The following PIP4K2A variants were observed in gnomAD, a reference collection of about 807,000 sequenced individuals.
The protein encoded by PIP4K2A is phosphatidylinositol-5-phosphate 4-kinase type 2 alpha.
PIP4K2A carries 14 observed loss-of-function variants against 42.9 expected under a neutral mutation model. The ratio of observed to expected loss-of-function variants is 0.33; its 90% CI spans 0.22 to 0.51. The LOEUF is 0.51. Among genes scored for constraint, PIP4K2A ranks in the 20% least tolerant of loss-of-function variants. The pLI, the probability that PIP4K2A is intolerant of heterozygous loss-of-function variation, is 0.97. For missense variants in PIP4K2A, 434 were observed against 519.8 expected (o/e 0.83, Z 1.61); for synonymous variants, 192 against 192.2 (o/e 1.00, Z 0.01).
chr10:22,714,072 C>T, intron 1 of PIP4K2A, 111 bp downstream of exon 1: 1 of 1,171,954 alleles, frequency 8.5e-7, no homozygotes, highest in Non-Finnish European at 1.2e-6. Flanking sequence ...GCCGGAGGTC[C>T]AGGGCTGACT....
chr10:22,551,887 A>C (rs58815397), intron 6 of PIP4K2A, among the ~76,000 whole-genome samples: 2,174 of 152,270 alleles, frequency 0.014, 35 homozygotes, highest in African/African-American at 0.049. Context: ...TGCATCTTTC[A>C]CATGCTCGAA....
intron 6 of PIP4K2A, among the ~76,000 whole-genome samples, chr10:22,565,662 TG>T (rs1836828978): frequency 6.6e-6 from 1 of 152,168 alleles, no homozygotes; most frequent in Non-Finnish European, 1.5e-5. Flanking sequence ...TAACAGCAAT[TG>T]TTCAGGGAAT....
chr10:22,681,944 G>T (rs1389861575), intron 1 of PIP4K2A, among the ~76,000 whole-genome samples: 3 of 152,042 alleles, frequency 2.0e-5, no homozygotes, highest in Non-Finnish European at 4.4e-5. Context: ...TACAGACACT[G>T]AAATTTGAAT....
chr10:22,567,595 G>A (rs557280503), intron 6 of PIP4K2A: 103 of 697,196 alleles, frequency 1.5e-4, no homozygotes, highest in South Asian at 1.4e-3. Flanking sequence ...TGTTTTTCAA[G>A]AGCAAGTTGC....
chr10:22,592,747 A>C, intron 3 of PIP4K2A, among the ~76,000 whole-genome samples: 1 of 152,160 alleles, frequency 6.6e-6, no homozygotes, highest in African/African-American at 2.4e-5. Flanking sequence ...CCGTCCAGCC[A>C]TGGGGTCTAG....
At chr10:22,659,376 C>G (rs969316426) in intron 1 of PIP4K2A, among the ~76,000 whole-genome samples, 1 of 152,192 alleles carries the variant, frequency 6.6e-6, no homozygotes, top group Non-Finnish European at 1.5e-5. Flanking sequence ...GGGCGGATCA[C>G]CTGAGCAGGA....
intron 1 of PIP4K2A, among the ~76,000 whole-genome samples, chr10:22,698,050 T>C (rs939432846): frequency 3.9e-5 from 6 of 152,126 alleles, no homozygotes; most frequent in African/African-American, 1.4e-4. Flanking sequence ...ATGCAGGCAC[T>C]CTCTGCTTAG....
At chr10:22,593,604 G>A (rs1029586102) in intron 3 of PIP4K2A, among the ~76,000 whole-genome samples, 11 of 152,180 alleles carry the variant, frequency 7.2e-5, no homozygotes, top group African/African-American at 2.4e-4. Context: ...CCCCTTGTGG[G>A]GTTTTAAATG....
intron 6 of PIP4K2A, 22 bp from the exon 7 acceptor site, chr10:22,550,794 AT>A (rs1276366262): frequency 1.4e-6 from 2 of 1,407,132 alleles, no homozygotes; most frequent in African/African-American, 2.8e-5. Flanking sequence ...GAGAAAAACA[AT>A]GACAAAGGCG....
At chr10:22,665,236 G>T (rs1356639312) in intron 1 of PIP4K2A, among the ~76,000 whole-genome samples, 1 of 152,130 alleles carries the variant, frequency 6.6e-6, no homozygotes, top group Admixed American at 6.6e-5. Flanking sequence ...TGGTATGTGT[G>T]ATGACAAAAG....
At chr10:22,642,129 T>A (rs1044014213) in intron 1 of PIP4K2A, 10 of 152,376 alleles carry the variant, frequency 6.6e-5, no homozygotes, top group African/African-American at 2.2e-4. Flanking sequence ...GGCATTTGCA[T>A]CCCTGGTTCC....
At position 22,536,821 on chromosome 10, in the gene PIP4K2A, TTCACTCAC is replaced by T. The variant is rs148835349; in HGVS notation, c.*372_*379del. On this transcript the variant is annotated 3_prime_UTR_variant, in exon 10 of 10. Transcript: ENST00000376573. Reference sequence around the variant, plus strand: ...CTCCCCTCCCCCACACGTGTGTTCATTCACTCACTCACTCACTCACTCATTCATTCGGC... The same window carrying T: ...CTCCCCTCCCCCACACGTGTGTTCATTCACTCACTCACTCATTCATTCGGC... The T allele has an allele frequency of 0.011, 1,743 of 156,932 alleles. 41 individuals are homozygous for T. The highest frequency in any genetic ancestry group is 0.04 in the African/African-American group (1,641 of 40,626). 9.7% of individuals were successfully genotyped at this position (156,932 alleles called of 1,614,324 possible). A position where few individuals can be genotyped will look rare whatever the true frequency, so the allele number is the denominator to read the frequency against.
chr10:22,620,303 T>A (rs1356307709), intron 1 of PIP4K2A, among the ~76,000 whole-genome samples: 1 of 152,228 alleles, frequency 6.6e-6, no homozygotes, highest in Admixed American at 6.5e-5. Context: ...AAATTTATAA[T>A]CTGGTACAGA....
intron 1 of PIP4K2A, among the ~76,000 whole-genome samples, chr10:22,710,835 A>G (rs1487850053): frequency 6.6e-6 from 1 of 152,228 alleles, no homozygotes; most frequent in Non-Finnish European, 1.5e-5. Flanking sequence ...TTCTATACAG[A>G]TAATGTTTTC....
At chr10:22,703,598 A>G (rs1194875125) in intron 1 of PIP4K2A, among the ~76,000 whole-genome samples, 1 of 152,218 alleles carries the variant, frequency 6.6e-6, no homozygotes, top group Non-Finnish European at 1.5e-5. Context: ...CAGGCCAGTA[A>G]GATCCTGCAG....
chr10:22,597,880 T>C (rs1464116863), intron 3 of PIP4K2A, among the ~76,000 whole-genome samples: 1 of 152,150 alleles, frequency 6.6e-6, no homozygotes, highest in African/African-American at 2.4e-5. Context: ...CAAAGTAAAA[T>C]ATTCACTTTC....
Position 22,714,232 on chromosome 10 carries a change from C to G in PIP4K2A, c.95G>C (p.Arg32Pro). The G allele has an allele frequency of 6.2e-7, 1 of 1,611,846 alleles. No individual in the cohort carries two copies. The highest frequency in any genetic ancestry group is 8.5e-7 in the Non-Finnish European group (1 of 1,178,846). The stretch of plus-strand genomic sequence containing the variant: ...GACGCTGAGCAGCGGGTCGCTGGCC[C>G]GAAACAGCTTCACTTTCTGCGCTAC... ...HFVAQKVKLF[R>P]ASDPLLSVLM... Residue 32 changes from arginine (R) to proline (P), a missense_variant, in exon 1 of 10, where the codon CGG becomes CCG. Physicochemically the swap from Arg to Pro is moderately radical, Grantham distance 103. This residue lies in a region of PIP4K2A where 395 missense variants were observed against 444.5 expected (regional missense o/e 0.89). Coordinates refer to ENST00000376573, the MANE Select transcript of PIP4K2A (RefSeq NM_005028.5).
chr10:22,704,547 T>C (rs532972974), intron 1 of PIP4K2A, among the ~76,000 whole-genome samples: 1 of 149,678 alleles, frequency 6.7e-6, no homozygotes, highest in East Asian at 2.0e-4. Context: ...TCCCAGCACT[T>C]AGGGAGTCTG....
chr10:22,545,466 C>T (rs917613022), intron 7 of PIP4K2A, among the ~76,000 whole-genome samples: 2 of 152,252 alleles, frequency 1.3e-5, no homozygotes, highest in African/African-American at 4.8e-5. Context: ...CCCAGCCTCC[C>T]CTGGCACCCC....
Sources: gnomAD v4.1 joint callset for allele counts (sites outside exome capture counted in the v4.1 genomes callset) on GRCh38, gnomAD v4.1.1 for gene constraint, gnomAD v4.1.1 regional missense constraint, MANE v1.5 for transcripts, NCBI Gene and HGNC (gene_info 2026-07-23, HGNC 2026-07-21) for gene names.